CACNA2D2: variants seen among roughly 807,000 people sequenced by gnomAD.
CACNA2D2 encodes the protein calcium voltage-gated channel auxiliary subunit alpha2delta 2.
A neutral mutation model predicts 166.4 loss-of-function variants in CACNA2D2; 48 were observed. The ratio of observed to expected loss-of-function variants is 0.29; its 90% CI spans 0.23 to 0.37. The LOEUF (loss-of-function observed/expected upper bound fraction) is 0.37. CACNA2D2 is among the 10% of genes least tolerant of loss of function. CACNA2D2 has a pLI of 1.00. For synonymous variants in CACNA2D2, 561 were observed against 573.7 expected (o/e 0.98, Z 0.32); for missense variants, 1,122 against 1,433.0 (o/e 0.78, Z 3.50).
At chr3:50,444,149 C>A (rs761408114) in intron 2 of CACNA2D2, among the ~76,000 whole-genome samples, 2 of 152,174 alleles carry the variant, frequency 1.3e-5, no homozygotes, top group Non-Finnish European at 2.9e-5. Context: ...GGCAGGTCCC[C>A]CAAGGACTCC....
At chr3:50,377,964 G>C (rs1400251090) in intron 15 of CACNA2D2, 44 bp downstream of exon 15, 3 of 1,581,126 alleles carry the variant, frequency 1.9e-6, no homozygotes, top group Non-Finnish European at 2.6e-6. Context: ...ACATCTCCGG[G>C]GGAAGGGTGC....
intron 1 of CACNA2D2, among the ~76,000 whole-genome samples, chr3:50,486,897 G>C (rs1443245595): frequency 6.6e-6 from 1 of 152,232 alleles, no homozygotes; most frequent in Non-Finnish European, 1.5e-5. Flanking sequence ...TGCAGTAGAA[G>C]ACAGGCTGGA....
intron 22 of CACNA2D2, among the ~76,000 whole-genome samples, chr3:50,373,345 C>T (rs1003032658): frequency 2.7e-5 from 4 of 150,120 alleles, no homozygotes; most frequent in Admixed American, 6.6e-5. Context: ...CCGGTGGGGC[C>T]GGAGCCCCAG....
chr3:50,393,748 T>A (rs1003841905), intron 4 of CACNA2D2, among the ~76,000 whole-genome samples: 3 of 152,180 alleles, frequency 2.0e-5, no homozygotes, highest in Non-Finnish European at 4.4e-5. Flanking sequence ...CAGCATCTCT[T>A]GCAGGTCACT....
intron 3 of CACNA2D2, among the ~76,000 whole-genome samples, chr3:50,397,320 G>A (rs999474021): frequency 2.0e-5 from 3 of 152,226 alleles, no homozygotes; most frequent in African/African-American, 7.2e-5. Flanking sequence ...TCCATCCCTG[G>A]GCACTGGACG....
At chr3:50,393,949 C>T (rs866937555) in intron 4 of CACNA2D2, among the ~76,000 whole-genome samples, 160 bp downstream of exon 4, 2 of 152,156 alleles carry the variant, frequency 1.3e-5, no homozygotes, top group Non-Finnish European at 2.9e-5. Flanking sequence ...CAGTGAGAGG[C>T]GCCTGGAGTA....
rs564458488 is a variant in CACNA2D2, at chr3:50,456,680, A to G, written c.288+19438T>C. Among the ~76,000 whole-genome samples the G allele has an allele frequency of 2.0e-5, 3 of 152,230 alleles. No homozygotes were observed. The South Asian group carries it at 6.2e-4, about 32-fold the overall frequency. ...CCTTTCTCACTCAGTCCTACTTCTC[A>G]GCATCTGTCTACCTGCCCTCCTTTA... On this transcript the variant is annotated intron_variant, in intron 2 of 37. Coordinates refer to ENST00000424201, the MANE Select transcript of CACNA2D2 (RefSeq NM_006030.4).
intron 2 of CACNA2D2, among the ~76,000 whole-genome samples, chr3:50,459,895 G>T (rs751812988): frequency 6.6e-6 from 1 of 151,542 alleles, no homozygotes; most frequent in Non-Finnish European, 1.5e-5. Context: ...ATTCCTGGGG[G>T]TTCTGCCTTC....
At chr3:50,437,175 C>A (rs1446936323) in intron 2 of CACNA2D2, among the ~76,000 whole-genome samples, 1 of 152,190 alleles carries the variant, frequency 6.6e-6, no homozygotes, top group Non-Finnish European at 1.5e-5. Context: ...GTGTTTTCTT[C>A]CTGTTCTATT....
chr3:50,430,195 G>A (rs1044206154), intron 3 of CACNA2D2, among the ~76,000 whole-genome samples: 1 of 152,200 alleles, frequency 6.6e-6, no homozygotes, highest in Non-Finnish European at 1.5e-5. Context: ...CTCTGGCCTT[G>A]CTGTCCTAGC....
At chr3:50,480,223 T>C (rs1262341978) in intron 1 of CACNA2D2, among the ~76,000 whole-genome samples, 1 of 152,194 alleles carries the variant, frequency 6.6e-6, no homozygotes, top group Non-Finnish European at 1.5e-5. Context: ...TTGTAGCCTT[T>C]GGGAAGCCTC....
chr3:50,406,544 C>A (rs1342728112), intron 3 of CACNA2D2, among the ~76,000 whole-genome samples: 1 of 151,846 alleles, frequency 6.6e-6, no homozygotes, highest in Admixed American at 6.5e-5. Context: ...TTGTTCCCCC[C>A]ACTTAACCAG....
intron 3 of CACNA2D2, among the ~76,000 whole-genome samples, chr3:50,396,825 G>A (rs1163271873): frequency 6.6e-6 from 1 of 152,178 alleles, no homozygotes; most frequent in Non-Finnish European, 1.5e-5. Context: ...GTGGGGCTCT[G>A]TTGAGGCCCC....
intron 3 of CACNA2D2, among the ~76,000 whole-genome samples, chr3:50,412,934 C>T (rs905304996): frequency 6.6e-6 from 1 of 152,160 alleles, no homozygotes; most frequent in Non-Finnish European, 1.5e-5. Flanking sequence ...TCCCGGTGCC[C>T]TCTATTAGGG....
intron 1 of CACNA2D2, among the ~76,000 whole-genome samples, chr3:50,493,777 C>T (rs144322776): frequency 1.8e-4 from 27 of 152,266 alleles, no homozygotes; most frequent in African/African-American, 5.3e-4. Flanking sequence ...AGGCGGGGCA[C>T]GGGTCTGGAG....
chr3:50,368,274 G>T, intron 23 of CACNA2D2, 39 bp from the exon 24 acceptor site: 2 of 1,268,514 alleles, frequency 1.6e-6, no homozygotes, highest in South Asian at 1.2e-5. Context: ...GGCTTGGGGG[G>T]CTGGACAGGG....
intron 3 of CACNA2D2, among the ~76,000 whole-genome samples, chr3:50,407,252 C>T (rs138015072): frequency 3.9e-5 from 6 of 151,940 alleles, no homozygotes; most frequent in African/African-American, 1.2e-4. Flanking sequence ...GGGACAGAGC[C>T]TGGACCTGTA....
At chr3:50,435,350 A>G (rs1378611374) in intron 2 of CACNA2D2, among the ~76,000 whole-genome samples, 1 of 151,892 alleles carries the variant, frequency 6.6e-6, no homozygotes, top group Non-Finnish European at 1.5e-5. Flanking sequence ...ATACTGCTGC[A>G]TGTGTCTCCA....
chr3:50,437,380 A>T (rs752759177), intron 2 of CACNA2D2, among the ~76,000 whole-genome samples: 21 of 152,148 alleles, frequency 1.4e-4, no homozygotes, highest in Non-Finnish European at 2.6e-4. Context: ...GGGCAAGGCC[A>T]GGGAAATGGG....
Sources: gnomAD v4.1 joint callset for allele counts (sites outside exome capture counted in the v4.1 genomes callset) on GRCh38, gnomAD v4.1.1 for gene constraint, MANE v1.5 for transcripts, NCBI Gene and HGNC (gene_info 2026-07-23, HGNC 2026-07-21) for gene names.